The following WDFY2 variants were observed in gnomAD, a reference collection of about 807,000 sequenced individuals.
WDFY2 encodes the protein WD repeat and FYVE domain-containing protein 2.
A neutral mutation model predicts 56.4 loss-of-function variants in WDFY2; 36 were observed. The observed-to-expected ratio is 0.64, with a 90% confidence interval of 0.49 to 0.84. The LOEUF (loss-of-function observed/expected upper bound fraction) is 0.84. WDFY2 is among the 40% of genes least tolerant of loss of function. The pLI, the probability that WDFY2 is intolerant of heterozygous loss-of-function variation, is 0.00. For synonymous variants in WDFY2, 176 were observed against 183.7 expected (o/e 0.96, Z 0.34); for missense variants, 444 against 512.2 (o/e 0.87, Z 1.29).
intron 5 of WDFY2, among the ~76,000 whole-genome samples, chr13:51,722,356 CAA>C (rs1952510450): frequency 6.6e-6 from 1 of 151,964 alleles, no homozygotes; most frequent in South Asian, 2.1e-4. Flanking sequence ...TAAAGGAAGA[CAA>C]AGAGACTGGT....
intron 1 of WDFY2, among the ~76,000 whole-genome samples, chr13:51,599,775 G>A (rs1954230032): frequency 6.6e-6 from 1 of 151,928 alleles, no homozygotes; most frequent in African/African-American, 2.4e-5. Context: ...CTGCCATCTT[G>A]CAATAAAGTG....
intron 1 of WDFY2, among the ~76,000 whole-genome samples, chr13:51,653,505 GCT>G (rs1484820692): frequency 1.3e-5 from 2 of 152,162 alleles, no homozygotes; most frequent in Non-Finnish European, 2.9e-5. Flanking sequence ...CAGTATTTCT[GCT>G]CTGTTTTTTC....
At chr13:51,648,843 T>C (rs1955311530) in intron 1 of WDFY2, among the ~76,000 whole-genome samples, 2 of 152,284 alleles carry the variant, frequency 1.3e-5, no homozygotes, top group African/African-American at 4.8e-5. Context: ...AGAATGAAAT[T>C]ATGCTGTTTT....
chr13:51,707,587 C>T (rs796633632), intron 4 of WDFY2, among the ~76,000 whole-genome samples: 1 of 152,240 alleles, frequency 6.6e-6, no homozygotes, highest in African/African-American at 2.4e-5. Context: ...ATTCATCATT[C>T]ATAGACCTTC....
At chr13:51,659,000 C>G (rs1246502354) in intron 1 of WDFY2, among the ~76,000 whole-genome samples, 1 of 152,116 alleles carries the variant, frequency 6.6e-6, no homozygotes, top group East Asian at 1.9e-4. Context: ...CATCTTGGCT[C>G]AATGCAACCT....
intron 1 of WDFY2, among the ~76,000 whole-genome samples, chr13:51,617,881 G>A (rs1954649212): frequency 6.6e-6 from 1 of 152,164 alleles, no homozygotes; most frequent in Non-Finnish European, 1.5e-5. Context: ...ACTGCAAAAA[G>A]CTAAGTCATT....
chr13:51,733,963 G>A (rs1952779455), intron 6 of WDFY2, among the ~76,000 whole-genome samples: 1 of 152,148 alleles, frequency 6.6e-6, no homozygotes, highest in Non-Finnish European at 1.5e-5. Context: ...TAGAGATGGA[G>A]GGCCTTTAGC....
At chr13:51,585,438 C>T (rs752421097) in intron 1 of WDFY2, among the ~76,000 whole-genome samples, 1 of 152,184 alleles carries the variant, frequency 6.6e-6, no homozygotes, top group Non-Finnish European at 1.5e-5. Flanking sequence ...GCGCGTAGAA[C>T]TTGTAACGGA....
chr13:51,713,702 G>A (rs1952277193), intron 4 of WDFY2, among the ~76,000 whole-genome samples: 1 of 151,928 alleles, frequency 6.6e-6, no homozygotes, highest in African/African-American at 2.4e-5. Flanking sequence ...ATAAAAATTA[G>A]CCTGCGTGGT....
chr13:51,602,731 A>C (rs1463666769), intron 1 of WDFY2, among the ~76,000 whole-genome samples: 1 of 152,228 alleles, frequency 6.6e-6, no homozygotes, highest in African/African-American at 2.4e-5. Flanking sequence ...TTAGCTGAGC[A>C]CATTGATAAT....
At chr13:51,727,856 G>C in intron 6 of WDFY2, 66 bp downstream of exon 6, 2 of 1,458,054 alleles carry the variant, frequency 1.4e-6, no homozygotes, top group Non-Finnish European at 1.9e-6. Context: ...TGCATCTCCT[G>C]ATGTTCAGAT....
chr13:51,747,716 A>G (rs190868723), intron 7 of WDFY2, among the ~76,000 whole-genome samples: 16 of 152,216 alleles, frequency 1.1e-4, no homozygotes, highest in African/African-American at 3.6e-4. Flanking sequence ...ATTTTTGTAG[A>G]GACAGGGTCT....
chr13:51,749,858 A>G lies in WDFY2; in HGVS notation c.726-1452A>G, dbSNP rs1377749101. ...TATCTTTAAGTTGATACGCTACAAA[A>G]CATAATTGCTATTCATATAAAAAGT... On this transcript the variant is annotated intron_variant, in intron 7 of 11. Coordinates refer to ENST00000298125, the MANE Select transcript of WDFY2 (RefSeq NM_052950.4). Among the ~76,000 whole-genome samples, 3 of 152,158 alleles carry G rather than the reference A, an allele frequency of 2.0e-5. No individual in the cohort carries two copies. In the East Asian group the frequency reaches 5.8e-4, roughly 29 times the overall value.
intron 5 of WDFY2, among the ~76,000 whole-genome samples, chr13:51,720,264 G>A (rs1244804644): frequency 6.6e-6 from 1 of 152,078 alleles, no homozygotes; most frequent in Non-Finnish European, 1.5e-5. Context: ...GCATTCAAAG[G>A]TATATTTTTA....
rs989168941 is a variant in WDFY2, at chr13:51,584,740, A to G, written c.53A>G (p.Gln18Arg). 1 of 1,613,736 alleles carries G rather than the reference A, an allele frequency of 6.2e-7. No homozygotes were observed. Among genetic ancestry groups the G allele is most frequent in the African/African-American group, 1.3e-5 (1 of 74,932 alleles). ...KPLTRKPILL[Q>R]RMEGSQEVVN... is the part of the protein sequence containing the mutation. ...CTGACCCGCAAGCCGATCCTGCTGC[A>G]GCGGATGGAGGGGTCCCAGGAGGTG... The change falls in exon 1 of 12, where the codon CAG (glutamine) becomes CGG (arginine). Residue 18 changes from glutamine (Q) to arginine (R), a missense_variant. Gln to Arg is a conservative substitution (Grantham distance 43, BLOSUM62 1). Transcript: ENST00000298125.
intron 9 of WDFY2, 147 bp downstream of exon 9, chr13:51,755,606 C>G (rs1317852205): frequency 1.3e-6 from 1 of 749,296 alleles, no homozygotes; most frequent in Non-Finnish European, 2.2e-6. Flanking sequence ...CAGTAATTTA[C>G]TCTGTCTACC....
chr13:51,748,478 G>A (rs1368262610), intron 7 of WDFY2, among the ~76,000 whole-genome samples: 1 of 152,106 alleles, frequency 6.6e-6, no homozygotes, highest in Non-Finnish European at 1.5e-5. Context: ...TTTTAAGTAG[G>A]GTAAGACAGG....
intron 8 of WDFY2, among the ~76,000 whole-genome samples, chr13:51,754,708 T>A (rs9535749): frequency 0.13 from 19,823 of 152,242 alleles, 1,513 homozygotes; most frequent in South Asian, 0.22. Context: ...GTATTGATTT[T>A]CCAGGGGTTC....
intron 7 of WDFY2, among the ~76,000 whole-genome samples, chr13:51,747,333 T>G (rs79253053): frequency 0.051 from 7,748 of 152,300 alleles, 245 homozygotes; most frequent in Middle Eastern, 0.082. Context: ...TAAAAACATA[T>G]TATAGACAAT....
Sources: allele counts gnomAD v4.1 joint callset (sites outside exome capture counted in the v4.1 genomes callset), GRCh38; gene constraint gnomAD v4.1.1; transcripts MANE v1.5; gene names NCBI Gene and HGNC (gene_info 2026-07-23, HGNC 2026-07-21).